The following CFTR variants were observed in gnomAD, a reference collection of about 807,000 sequenced individuals.
CFTR encodes CF transmembrane conductance regulator.
Under a neutral mutation model 171.6 loss-of-function variants are expected in CFTR, and 181 were observed. The observed-to-expected ratio is 1.05, with a 90% confidence interval of 0.93 to 1.19. The LOEUF is 1.19. Among genes scored for constraint, CFTR ranks in the 50% most tolerant of loss-of-function variants. CFTR has a pLI of 0.00. For synonymous variants in CFTR, 583 were observed against 608.0 expected (o/e 0.96, Z 0.60); for missense variants, 1,968 against 1,734.7 (o/e 1.13, Z -2.39).
chr7:117,513,466 G>A (rs1391908372), intron 3 of CFTR, among the ~76,000 whole-genome samples: 1 of 149,824 alleles, frequency 6.7e-6, no homozygotes, highest in East Asian at 2.0e-4. Context: ...TAGAAAGGGA[G>A]AGCCTGGCTG....
intron 21 of CFTR, 137 bp from the exon 22 acceptor site, chr7:117,627,385 C>T: frequency 1.1e-6 from 1 of 873,362 alleles, no homozygotes; most frequent in East Asian, 2.7e-5. Flanking sequence ...CCTGTTAGTT[C>T]ATTGAAAAGC....
chr7:117,542,216 G>A (rs1799067364), intron 9 of CFTR, 108 bp downstream of exon 9: 1 of 696,394 alleles, frequency 1.4e-6, no homozygotes, highest in Non-Finnish European at 2.7e-6. Context: ...GATATAACTG[G>A]TAGAACTGGA....
At chr7:117,505,028 A>C (rs1202045615) in intron 2 of CFTR, among the ~76,000 whole-genome samples, 1 of 152,152 alleles carries the variant, frequency 6.6e-6, no homozygotes, top group African/African-American at 2.4e-5. Context: ...GGGAAGTCTT[A>C]AGGTAATGGC....
At chr7:117,644,897 GAAC>G (rs1320896925) in intron 23 of CFTR, among the ~76,000 whole-genome samples, 1 of 152,090 alleles carries the variant, frequency 6.6e-6, no homozygotes, top group African/African-American at 2.4e-5. Context: ...TAGGCAATTA[GAAC>G]AACAAGATCT....
intron 12 of CFTR, among the ~76,000 whole-genome samples, chr7:117,588,810 T>C (rs1174739438): frequency 1.3e-5 from 2 of 152,112 alleles, no homozygotes; most frequent in Non-Finnish European, 2.9e-5. Context: ...AGGAAAATGG[T>C]AGAGTCACAG....
At chr7:117,531,491 T>C (rs950162784) in intron 4 of CFTR, among the ~76,000 whole-genome samples, 9 of 152,112 alleles carry the variant, frequency 5.9e-5, no homozygotes, top group African/African-American at 2.2e-4. Context: ...AAGAAGAGTA[T>C]AATATATGAT....
At chr7:117,600,279 A>C (rs1257396218) in intron 15 of CFTR, among the ~76,000 whole-genome samples, 3 of 151,846 alleles carry the variant, frequency 2.0e-5, no homozygotes, top group Admixed American at 6.6e-5. Context: ...ATAAATAGGC[A>C]AAAAAAATCT....
chr7:117,627,097 T>C (rs143633546), intron 21 of CFTR, among the ~76,000 whole-genome samples: 2 of 152,228 alleles, frequency 1.3e-5, no homozygotes, highest in Non-Finnish European at 2.9e-5. Flanking sequence ...ACACATAAAA[T>C]TATAGTTAGT....
intron 21 of CFTR, among the ~76,000 whole-genome samples, chr7:117,621,525 T>A: frequency 6.6e-6 from 1 of 152,170 alleles, no homozygotes; most frequent in South Asian, 2.1e-4. Flanking sequence ...TCCTTTTGAA[T>A]TGATGGACCA....
intron 10 of CFTR, among the ~76,000 whole-genome samples, chr7:117,553,531 A>C (rs1205832915): frequency 6.6e-6 from 1 of 152,166 alleles, no homozygotes; most frequent in African/African-American, 2.4e-5. Flanking sequence ...ATACACTCTA[A>C]ATAGAGTGCT....
At chr7:117,641,600 G>A (rs1792914648) in intron 22 of CFTR, among the ~76,000 whole-genome samples, 1 of 152,116 alleles carries the variant, frequency 6.6e-6, no homozygotes, top group African/African-American at 2.4e-5. Flanking sequence ...AATGACTGCA[G>A]TAGTGTTCTA....
chr7:117,519,704 C>G (rs535680293), intron 3 of CFTR, among the ~76,000 whole-genome samples: 1 of 152,054 alleles, frequency 6.6e-6, no homozygotes, highest in Non-Finnish European at 1.5e-5. Context: ...TAATCTGCTT[C>G]TCCCTTTAAT....
At chr7:117,624,084 T>C (rs1316205206) in intron 21 of CFTR, among the ~76,000 whole-genome samples, 2 of 152,190 alleles carry the variant, frequency 1.3e-5, no homozygotes, top group Non-Finnish European at 2.9e-5. Context: ...AATCTTTGAC[T>C]ATGAAATTAA....
At chr7:117,596,868 T>C (rs1792137881) in intron 15 of CFTR, among the ~76,000 whole-genome samples, 1 of 152,104 alleles carries the variant, frequency 6.6e-6, no homozygotes, top group African/African-American at 2.4e-5. Context: ...GGTTTGTAAA[T>C]ACACCAATGG....
chr7:117,637,764 C>A (rs1315824733), intron 22 of CFTR, among the ~76,000 whole-genome samples: 1 of 152,048 alleles, frequency 6.6e-6, no homozygotes, highest in Non-Finnish European at 1.5e-5. Context: ...ATAATCCCAG[C>A]TACTCAGGAG....
intron 12 of CFTR, among the ~76,000 whole-genome samples, 197 bp downstream of exon 12, chr7:117,588,030 G>A (rs1791972112): frequency 6.6e-6 from 1 of 152,008 alleles, no homozygotes; most frequent in Non-Finnish European, 1.5e-5. Flanking sequence ...AGAGATTATG[G>A]TTACTCAGAA....
In CFTR at chr7:117,508,984, A is replaced by G. The variant is rs369949496; in HGVS notation, c.165-50A>G. Reference sequence around the variant, plus strand: ...CTATGTTAAGGGAAATAGGACAACTAAAATATTTGCACATGCAACTTATTG... The same window carrying G: ...CTATGTTAAGGGAAATAGGACAACTGAAATATTTGCACATGCAACTTATTG... On this transcript the variant is annotated intron_variant, in intron 2 of 26. Transcript: ENST00000003084. 13 of 1,133,716 alleles carry G rather than the reference A, an allele frequency of 1.1e-5. No homozygotes were observed. The highest frequency in any genetic ancestry group is 1.5e-5 in the Non-Finnish European group (11 of 744,000). 70.2% of individuals were successfully genotyped at this position (1,133,716 alleles called of 1,614,324 possible). A position where few individuals can be genotyped will look rare whatever the true frequency, so the allele number is the denominator to read the frequency against.
At chr7:117,547,980 A>G (rs958607905) in intron 9 of CFTR, among the ~76,000 whole-genome samples, 5 of 152,220 alleles carry the variant, frequency 3.3e-5, no homozygotes, top group Admixed American at 6.5e-5. Context: ...GAAGACCACT[A>G]TGCTAAAGCT....
At chr7:117,513,386 C>G (rs979053839) in intron 3 of CFTR, among the ~76,000 whole-genome samples, 3 of 147,802 alleles carry the variant, frequency 2.0e-5, no homozygotes, top group African/African-American at 7.6e-5. Flanking sequence ...GAGAATGTTT[C>G]TTTTCAGACC....
Sources: allele counts gnomAD v4.1 joint callset (sites outside exome capture counted in the v4.1 genomes callset), GRCh38; gene constraint gnomAD v4.1.1; transcripts MANE v1.5; gene names NCBI Gene and HGNC (gene_info 2026-07-23, HGNC 2026-07-21).